The following AKAP11 variants were observed in gnomAD, a reference collection of about 807,000 sequenced individuals.
The protein encoded by AKAP11 is A-kinase anchoring protein 11, also known as A-kinase anchor protein 11.
A neutral mutation model predicts 146.1 loss-of-function variants in AKAP11; 36 were observed. The ratio of observed to expected loss-of-function variants is 0.25; its 90% CI spans 0.19 to 0.33. The LOEUF (loss-of-function observed/expected upper bound fraction) is 0.33. Among genes scored for constraint, AKAP11 ranks in the 10% least tolerant of loss-of-function variants. The probability of loss-of-function intolerance (pLI) is 1.00; values close to 1 mark genes in which losing one functional copy is unlikely to be tolerated. For synonymous variants in AKAP11, 780 were observed against 786.5 expected (o/e 0.99, Z 0.14); for missense variants, 2,201 against 2,197.0 (o/e 1.00, Z -0.04).
At chr13:42,317,021 G>C (rs1007361933) in intron 11 of AKAP11, among the ~76,000 whole-genome samples, 1 of 152,104 alleles carries the variant, frequency 6.6e-6, no homozygotes, top group Non-Finnish European at 1.5e-5. Context: ...GGGACTACAG[G>C]CATGTGCCAC....
rs757840782 is a variant in AKAP11 at position 42,300,252 on chromosome 13, A to C, written c.1506A>C (p.Ser502=). ...AKSISCEVLG[S]VLRTHHTNTL... is the part of the protein sequence containing the mutation. ...GCATTTCATGTGAAGTACTAGGCTC[A>C]GTTCTTCGTACCCACCATACTAATA... Residue 502 remains serine, a synonymous_variant, in exon 8 of 13, where the codon TCA becomes TCC. Transcript: ENST00000025301. 1 of 1,613,950 alleles carries C rather than the reference A, an allele frequency of 6.2e-7. No homozygotes were observed. The highest frequency in any genetic ancestry group is 8.5e-7 in the Non-Finnish European group (1 of 1,179,868).
chr13:42,271,690 G>A (rs80206240), upstream of AKAP11, among the ~76,000 whole-genome samples: 649 of 152,282 alleles, frequency 4.3e-3, 14 homozygotes, highest in East Asian at 0.047. Flanking sequence ...GCCAAGGCCT[G>A]GGGACTTGCC....
At chr13:42,311,742 T>C (rs543468942) in intron 9 of AKAP11, among the ~76,000 whole-genome samples, 1 of 152,296 alleles carries the variant, frequency 6.6e-6, no homozygotes, top group South Asian at 2.1e-4. Flanking sequence ...ATTAATTTTC[T>C]TTTTCTCCTT....
intron 4 of AKAP11, 73 bp downstream of exon 4, chr13:42,292,574 A>G (rs1373366670): frequency 2.4e-5 from 21 of 858,436 alleles, no homozygotes; most frequent in Non-Finnish European, 3.1e-5. Flanking sequence ...GTAGGACTCT[A>G]TGATCTATTT....
At chr13:42,314,987 C>CT (rs1330759299) in intron 11 of AKAP11, among the ~76,000 whole-genome samples, 1 of 152,024 alleles carries the variant, frequency 6.6e-6, no homozygotes, top group African/African-American at 2.4e-5. Flanking sequence ...TTCTGAAAGT[C>CT]TAATTTTTTT....
chr13:42,300,225 A>G lies in AKAP11; in HGVS notation c.1479A>G (p.Lys493=). The G allele has an allele frequency of 6.2e-7, 1 of 1,613,990 alleles. No individual in the cohort carries two copies. The highest frequency in any genetic ancestry group is 8.5e-7 in the Non-Finnish European group (1 of 1,179,896). Residue 493 remains lysine (K), a synonymous_variant, in exon 8 of 13, where the codon AAA becomes AAG. Coordinates refer to ENST00000025301, the MANE Select transcript of AKAP11 (RefSeq NM_016248.4). The stretch of plus-strand genomic sequence containing the variant: ...ATTACACCTATGAAGACTATGCAAA[A>G]AGCATTTCATGTGAAGTACTAGGCT... ...SVYYTYEDYA[K]SISCEVLGSV... is the part of the protein sequence containing the mutation.
rs141267284 is a variant in AKAP11 at position 42,302,188 on chromosome 13, A to G, written c.3442A>G (p.Ser1148Gly). The G allele has an allele frequency of 1.0e-4, 165 of 1,614,096 alleles. No individual in the cohort carries two copies. Among genetic ancestry groups the G allele is most frequent in the Non-Finnish European group, 1.1e-4 (125 of 1,180,024 alleles). Residue 1148 changes from serine to glycine, a missense_variant, in exon 8 of 13, where the codon AGT becomes GGT. By Grantham distance (56) the Ser-to-Gly change is moderately conservative. Transcript: ENST00000025301. ...TACTCCACACAACTCATCTGTTGGT[A>G]GTTTGTCTGAGAATGAACAAAATAC... is the stretch of plus-strand genomic sequence containing the variant. ...PSTPHNSSVG[S>G]LSENEQNTIE...
In AKAP11 at chr13:42,320,082, T is replaced by C. The variant is rs1479899066; in HGVS notation, c.*854T>C. 1 of 152,722 alleles carries C rather than the reference T, an allele frequency of 6.5e-6. No homozygotes were observed. The highest frequency in any genetic ancestry group is 1.5e-5 in the Non-Finnish European group (1 of 68,042). 9.5% of individuals were successfully genotyped at this position (152,722 alleles called of 1,614,324 possible). A position where few individuals can be genotyped will look rare whatever the true frequency, so the allele number is the denominator to read the frequency against. ...ATAAAGATTGTGCAGTAAGAATTTT[T>C]ATTGACAATAATTAAAATTTTTTTT... is the stretch of plus-strand genomic sequence containing the variant. On this transcript the variant is annotated 3_prime_UTR_variant, in exon 13 of 13. Transcript: ENST00000025301.
chr13:42,298,916 TTTAAC>T (rs1451532841), intron 7 of AKAP11, 119 bp downstream of exon 7: 1 of 1,056,298 alleles, frequency 9.5e-7, no homozygotes, highest in Non-Finnish European at 1.3e-6. Context: ...ATTTAAACCT[TTTAAC>T]TTTTTTTCTG....
rs777893830 is a variant in AKAP11 at position 42,295,651 on chromosome 13, T to C, written c.169-44T>C. On this transcript the variant is annotated intron_variant, in intron 4 of 12. Transcript: ENST00000025301. ...TCAGCTCTGTCACCAGCCTGAAAGATTTAAAAATTCAAATTAATGGAGGTT... is the reference window on the plus strand; with the variant it reads ...TCAGCTCTGTCACCAGCCTGAAAGACTTAAAAATTCAAATTAATGGAGGTT... 9 of 1,574,554 alleles carry C rather than the reference T, an allele frequency of 5.7e-6. No homozygotes were observed. The South Asian group carries it at 8.9e-5, about 16-fold the overall frequency.
At chr13:42,275,050 C>G (rs1261168174) in intron 1 of AKAP11, among the ~76,000 whole-genome samples, 5 of 152,064 alleles carry the variant, frequency 3.3e-5, no homozygotes, top group Non-Finnish European at 5.9e-5. Flanking sequence ...AATTAGCCTA[C>G]TTAAAAAAAA....
intron 3 of AKAP11, among the ~76,000 whole-genome samples, chr13:42,288,554 A>G (rs919025727): frequency 5.3e-5 from 8 of 152,200 alleles, no homozygotes; most frequent in Non-Finnish European, 8.8e-5. Context: ...TCCAAGAAAA[A>G]TAAATTCCCA....
rs1959754544 is a variant in AKAP11 at position 42,299,909 on chromosome 13, G to A, written c.1163G>A (p.Gly388Glu). 6.2e-7 allele frequency: 1 copy of A among 1,613,884 alleles called. No homozygotes were observed. Among genetic ancestry groups the A allele is most frequent in the East Asian group, 2.2e-5 (1 of 44,882 alleles). ...PVIGKSSQRK[G>E]HKHGKSCMNP... ...ATAGGGAAGTCATCGCAGAGGAAAG[G>A]GCACAAACATGGAAAGTCATGTATG... Residue 388 changes from glycine (G) to glutamate (E), a missense_variant, in exon 8 of 13, where the codon GGG becomes GAG. Physicochemically the swap from Gly to Glu is moderately conservative, Grantham distance 98 (BLOSUM62 -2). Transcript: ENST00000025301.
intron 9 of AKAP11, among the ~76,000 whole-genome samples, chr13:42,311,195 C>T (rs1302670548): frequency 6.6e-6 from 1 of 152,160 alleles, no homozygotes; most frequent in Non-Finnish European, 1.5e-5. Context: ...CATTGCAGTA[C>T]TGGACCACTG....
Position 42,279,292 on chromosome 13 carries a change from C to CTG in AKAP11, c.-99-6693_-99-6692insGT, listed in dbSNP as rs757387010. ...ACACACACACACACACTCTCTCTCT[C>CTG]TCACTCACTCACTCGCTTACTCACT... On this transcript the variant is annotated intron_variant, in intron 1 of 12. Transcript: ENST00000025301. 1.6e-4 allele frequency among the ~76,000 whole-genome samples: 23 copies of CTG among 146,612 alleles called. No individual in the cohort carries two copies. In the South Asian group the frequency reaches 4.6e-3, roughly 29 times the overall value.
At chr13:42,290,988 TAGTA>T (rs1448643606) in intron 3 of AKAP11, among the ~76,000 whole-genome samples, 2 of 152,192 alleles carry the variant, frequency 1.3e-5, no homozygotes, top group African/African-American at 2.4e-5. Flanking sequence ...GGAAAAAAGG[TAGTA>T]CATGTATTCA....
At position 42,313,081 on chromosome 13, in the gene AKAP11, T is replaced by G. The variant is rs746881216; in HGVS notation, c.5308T>G (p.Leu1770Val). Reference protein sequence around the residue: ...GNSSSWSSLGLEGDLYEDNLS... With the variant: ...GNSSSWSSLGVEGDLYEDNLS... ...CAGCAGTAGCTGGAGCAGTCTTGGT[T>G]TAGAAGGAGATTTGTATGAGGACAA... Residue 1770 changes from leucine to valine, a missense_variant, in exon 10 of 13, where the codon TTA becomes GTA. By Grantham distance (32) the Leu-to-Val change is conservative. Coordinates refer to ENST00000025301, the MANE Select transcript of AKAP11 (RefSeq NM_016248.4). The G allele has an allele frequency of 1.9e-6, 3 of 1,613,624 alleles. No individual in the cohort carries two copies. Among genetic ancestry groups the G allele is most frequent in the Non-Finnish European group, 2.5e-6 (3 of 1,179,834 alleles).
At position 42,274,928 on chromosome 13, in the gene AKAP11, C is replaced by A. The variant is rs543644678; in HGVS notation, c.-100+2700C>A. ...AAATGAGCCTCATTTTCTTCATACC[C>A]ACCTCAAAAAGTTAGTGCGAAGCAC... is the stretch of plus-strand genomic sequence containing the variant. On this transcript the variant is annotated intron_variant, in intron 1 of 12. Coordinates refer to ENST00000025301, the MANE Select transcript of AKAP11 (RefSeq NM_016248.4). 6.0e-4 allele frequency among the ~76,000 whole-genome samples: 91 copies of A among 152,294 alleles called. 2 individuals are homozygous for A. In the South Asian group the frequency reaches 0.018, roughly 30 times the overall value.
Position 42,300,542 on chromosome 13 carries a change from T to C in AKAP11, c.1796T>C (p.Leu599Pro). 1.9e-6 allele frequency: 3 copies of C among 1,614,094 alleles called. No homozygotes were observed. The highest frequency in any genetic ancestry group is 2.5e-6 in the Non-Finnish European group (3 of 1,179,966). Residue 599 changes from leucine (L) to proline (P), a missense_variant, in exon 8 of 13, where the codon CTG (leucine) becomes CCG (proline). By Grantham distance (98) the Leu-to-Pro change is moderately conservative. Around this residue, in one of 3 missense-constraint regions of AKAP11, gnomAD observed 1,867 missense variants for 1,833.5 expected, o/e 1.02. Coordinates refer to ENST00000025301, the MANE Select transcript of AKAP11 (RefSeq NM_016248.4). ...SSVLQMAFDE[L>P]RRQRAFSLKE... ...GTTTTGCAGATGGCATTTGATGAGC[T>C]GAGAAGGCAGCGTGCATTTTCACTA...
Sources: gnomAD v4.1 joint callset for allele counts (sites outside exome capture counted in the v4.1 genomes callset) on GRCh38, gnomAD v4.1.1 for gene constraint, gnomAD v4.1.1 regional missense constraint, MANE v1.5 for transcripts, NCBI Gene and HGNC (gene_info 2026-07-23, HGNC 2026-07-21) for gene names.